The following AP3S2 variants were observed in gnomAD, a reference collection of about 807,000 sequenced individuals.
AP3S2 encodes the protein adaptor related protein complex 3 subunit sigma 2, also known as AP-3 complex subunit sigma-2.
A neutral mutation model predicts 23.4 loss-of-function variants in AP3S2; 22 were observed. That is an observed-to-expected ratio of 0.94 (90% CI 0.67 to 1.34). AP3S2 has a LOEUF of 1.34. Among genes scored for constraint, AP3S2 ranks in the 40% most tolerant of loss-of-function variants. The pLI is 0.00. For missense variants in AP3S2, 241 were observed against 236.9 expected (o/e 1.02, Z -0.11); for synonymous variants, 86 against 87.1 (o/e 0.99, Z 0.07).
intron 3 of AP3S2, chr15:89,876,937 C>G: frequency 4.5e-6 from 1 of 221,382 alleles, no homozygotes; most frequent in Admixed American, 5.6e-5. Context: ...TTGGCAGAGA[C>G]AGAACAGCTG....
At chr15:89,854,076 T>C (rs1251419431) in intron 4 of AP3S2, among the ~76,000 whole-genome samples, 2 of 27,290 alleles carry the variant, frequency 7.3e-5, no homozygotes, top group Admixed American at 4.3e-4. Flanking sequence ...AGGTGGGGGG[T>C]CAGCCCCCCC....
intron 4 of AP3S2, among the ~76,000 whole-genome samples, chr15:89,865,205 T>C (rs766933709): frequency 1.3e-5 from 2 of 151,570 alleles, no homozygotes; most frequent in East Asian, 3.9e-4. Context: ...CCTGGAAGGC[T>C]GTGTGTCCAT....
At chr15:89,877,185 AT>A (rs1596215091) in intron 3 of AP3S2, 1 of 532,904 alleles carries the variant, frequency 1.9e-6, no homozygotes, top group East Asian at 5.7e-5. Flanking sequence ...GAAGTACTGT[AT>A]TTAGAAATTT....
At chr15:89,854,301 T>G (rs1200523547) in intron 4 of AP3S2, among the ~76,000 whole-genome samples, 12 of 11,486 alleles carry the variant, frequency 1.0e-3, no homozygotes, top group Non-Finnish European at 1.6e-3. Context: ...GATGGGGGGG[T>G]CAGCCCCCCC....
At chr15:89,863,109 T>C (rs938526959) in intron 4 of AP3S2, among the ~76,000 whole-genome samples, 7 of 152,040 alleles carry the variant, frequency 4.6e-5, no homozygotes, top group Non-Finnish European at 7.4e-5. Context: ...AGTGCTCCAC[T>C]GAAGGGTTAA....
rs146420310 is a variant in AP3S2, at chr15:89,887,974, G to T, written c.273+547C>A. Among the ~76,000 whole-genome samples the T allele has an allele frequency of 2.8e-3, 429 of 152,332 alleles. 4 individuals are homozygous for T. Among genetic ancestry groups the T allele is most frequent in the Middle Eastern group, 0.01 (3 of 294 alleles). On this transcript the variant is annotated intron_variant, in intron 3 of 5. Coordinates refer to ENST00000336418, the MANE Select transcript of AP3S2 (RefSeq NM_005829.5). The stretch of plus-strand genomic sequence containing the variant: ...GCATGAGCCTATAAGCCCATAGGTG[G>T]AAAAGAAAATTCTATAGCTGTAAAA...
At position 89,876,421 on chromosome 15, in the gene AP3S2, A is replaced by G. The variant is rs551557025; in HGVS notation, c.274-4875T>C. ...CCAACAGAGTGAGACGCCGTCTCCA[A>G]AAAGGAAAGAAAAAAAAAAGAAAGA... On this transcript the variant is annotated intron_variant, in intron 3 of 5. Coordinates refer to ENST00000336418, the MANE Select transcript of AP3S2 (RefSeq NM_005829.5). 2.0e-5 allele frequency: 3 copies of G among 152,478 alleles called. No individual in the cohort carries two copies. The South Asian group carries it at 6.2e-4, about 32-fold the overall frequency. 9.4% of individuals were successfully genotyped at this position (152,478 alleles called of 1,614,324 possible). A position where few individuals can be genotyped will look rare whatever the true frequency, so the allele number is the denominator to read the frequency against.
intron 4 of AP3S2, among the ~76,000 whole-genome samples, chr15:89,867,737 G>A (rs1199476053): frequency 1.1e-4 from 15 of 138,584 alleles, no homozygotes; most frequent in Non-Finnish European, 1.9e-4. Context: ...GTCTCTGCCC[G>A]GCCGCCCTGT....
At chr15:89,873,321 G>T (rs1442534338) in intron 3 of AP3S2, among the ~76,000 whole-genome samples, 3 of 143,304 alleles carry the variant, frequency 2.1e-5, no homozygotes, top group Non-Finnish European at 4.5e-5. Flanking sequence ...CTCTCGCTCT[G>T]TTGTCCACGC....
chr15:89,858,464 AAAG>A (rs1895896949), intron 4 of AP3S2, among the ~76,000 whole-genome samples: 1 of 33,944 alleles, frequency 2.9e-5, no homozygotes, highest in Non-Finnish European at 7.7e-5. Context: ...AAAAAGAAAG[AAAG>A]AAAGAAAGAA....
rs1274821244 is a variant in AP3S2, at chr15:89,858,453, GAAAAAGAAAGAA to G, written c.345+13010_345+13021del. ...CGAAACTCCATCTCAAAAAAAGAAA[GAAAAAGAAAGAA>G]AGAAAGAAAGAAAGAAAGAAAGAAA... On this transcript the variant is annotated intron_variant, in intron 4 of 5. Coordinates refer to ENST00000336418, the MANE Select transcript of AP3S2 (RefSeq NM_005829.5). Among the ~76,000 whole-genome samples the G allele has an allele frequency of 1.5e-4, 17 of 114,912 alleles. No homozygotes were observed. In the South Asian group the frequency reaches 1.8e-3, roughly 12 times the overall value. The allele number at this position is 114,912 out of a possible 152,430, so 75.4% of individuals were successfully genotyped here. A position where few individuals can be genotyped will look rare whatever the true frequency, so the allele number is the denominator to read the frequency against.
chr15:89,863,394 T>C (rs1896048683), intron 4 of AP3S2, among the ~76,000 whole-genome samples: 1 of 152,104 alleles, frequency 6.6e-6, no homozygotes, highest in Admixed American at 6.6e-5. Context: ...CAGGGCATTC[T>C]GTGTAGACAC....
chr15:89,837,885 T>C, intron 4 of AP3S2, 163 bp from the exon 5 acceptor site: 1 of 709,008 alleles, frequency 1.4e-6, no homozygotes. Context: ...ACGAGGGGTC[T>C]CTCCCAGGTC....
chr15:89,873,837 CTTATTA>C (rs1444212887), intron 3 of AP3S2, among the ~76,000 whole-genome samples: 1 of 121,914 alleles, frequency 8.2e-6, no homozygotes, highest in Non-Finnish European at 1.8e-5. Flanking sequence ...ATAAATGGGT[CTTATTA>C]TTATTTAAAA....
intron 3 of AP3S2, 104 bp from the exon 4 acceptor site, chr15:89,871,650 C>T: frequency 1.7e-6 from 2 of 1,181,458 alleles, no homozygotes; most frequent in South Asian, 1.5e-5. Flanking sequence ...ATACTATTTA[C>T]TTTATGATAA....
intron 4 of AP3S2, among the ~76,000 whole-genome samples, chr15:89,861,596 T>C (rs982499329): frequency 1.3e-5 from 2 of 152,162 alleles, no homozygotes; most frequent in Non-Finnish European, 2.9e-5. Flanking sequence ...GGAGAGCTGA[T>C]GGTTACCCCA....
chr15:89,886,703 GCA>G (rs1413161081), intron 3 of AP3S2: 3 of 152,150 alleles, frequency 2.0e-5, no homozygotes, highest in Non-Finnish European at 4.4e-5. Context: ...GTACTATAAA[GCA>G]CATTCTCACA....
chr15:89,889,176 G>A, intron 1 of AP3S2, 36 bp from the exon 2 acceptor site: 1 of 1,612,530 alleles, frequency 6.2e-7, no homozygotes, highest in South Asian at 1.1e-5. Context: ...CAGTGGGCAA[G>A]CCTGAAAAAC....
At chr15:89,879,518 C>CA (rs969761428) in intron 3 of AP3S2, among the ~76,000 whole-genome samples, 6 of 151,594 alleles carry the variant, frequency 4.0e-5, no homozygotes, top group African/African-American at 7.3e-5. Flanking sequence ...CACACACCGT[C>CA]AAAAAAAACT....
Sources: allele counts gnomAD v4.1 joint callset (sites outside exome capture counted in the v4.1 genomes callset), GRCh38; gene constraint gnomAD v4.1.1; transcripts MANE v1.5; gene names NCBI Gene and HGNC (gene_info 2026-07-23, HGNC 2026-07-21).